The following ARHGAP29 variants were observed in gnomAD, a reference collection of about 807,000 sequenced individuals.
The protein encoded by ARHGAP29 is rho GTPase-activating protein 29.
Under a neutral mutation model 122.6 loss-of-function variants are expected in ARHGAP29, and 43 were observed. That is an observed-to-expected ratio of 0.35 (90% CI 0.27 to 0.45). The LOEUF is 0.45. Ranked by LOEUF, ARHGAP29 falls within the 20% of genes least tolerant of loss-of-function variation. The pLI is 1.00. For missense variants in ARHGAP29, 1,303 were observed against 1,477.2 expected, an observed-to-expected ratio of 0.88 and a Z score of 1.93; for synonymous variants, 506 against 497.1, an observed-to-expected ratio of 1.02 and a Z score of -0.24.
rs533440304 is a variant in ARHGAP29 at position 94,187,382 on chromosome 1, G to A, written c.1682-785C>T. ...ATTTTTCTTCACAATATGCTTAAAGGTAGCTATCTAGTTTTCACTTTGAAT... is the reference window on the plus strand; with the variant it reads ...ATTTTTCTTCACAATATGCTTAAAGATAGCTATCTAGTTTTCACTTTGAAT... On this transcript the variant is annotated intron_variant, in intron 15 of 22. Coordinates refer to ENST00000260526, the MANE Select transcript of ARHGAP29 (RefSeq NM_004815.4). Among the ~76,000 whole-genome samples the A allele has an allele frequency of 3.3e-5, 5 of 152,270 alleles. 1 individual carries two copies. The South Asian group carries it at 1.0e-3, about 32-fold the overall frequency.
upstream of ARHGAP29, among the ~76,000 whole-genome samples, chr1:94,241,182 G>A: frequency 6.6e-6 from 1 of 152,128 alleles, no homozygotes; most frequent in East Asian, 1.9e-4. Flanking sequence ...TAAGACCTAA[G>A]AACTTGTTAA....
chr1:94,290,401 G>GT, the ARHGAP29 span, among the ~76,000 whole-genome samples: 2 of 152,100 alleles, frequency 1.3e-5, no homozygotes, highest in Non-Finnish European at 2.9e-5. Context: ...TTTTTGAAGA[G>GT]TTTTTTGTGT....
At chr1:94,305,541 A>C in the ARHGAP29 span, among the ~76,000 whole-genome samples, 23 of 152,362 alleles carry the variant, frequency 1.5e-4, no homozygotes, top group African/African-American at 5.5e-4. Flanking sequence ...GCAGAGAGGT[A>C]TTATAAGCAG....
rs202125095 is a variant in ARHGAP29 at position 94,177,713 on chromosome 1, T to C, written c.2804A>G (p.His935Arg). The change falls in exon 22 of 23, where the codon CAT becomes CGT. Residue 935 changes from histidine to arginine, a missense_variant. Physicochemically the swap from His to Arg is conservative, Grantham distance 29. Coordinates refer to ENST00000260526, the MANE Select transcript of ARHGAP29 (RefSeq NM_004815.4). ...SLFFSSKEDI[H>R]TSESESKIFE... is the part of the protein sequence containing the mutation. ...AATTTTGCTTTCACTCTCTGAAGTA[T>C]GGATATCCTGTTGATGCAAGATAAT... The C allele has an allele frequency of 1.6e-5, 25 of 1,609,758 alleles. No homozygotes were observed. In the Admixed American group the frequency reaches 3.2e-4, roughly 21 times the overall value.
intron 3 of ARHGAP29, among the ~76,000 whole-genome samples, chr1:94,213,418 G>A (rs755528090): frequency 6.6e-6 from 1 of 152,064 alleles, no homozygotes; most frequent in African/African-American, 2.4e-5. Context: ...TCCTGACCTC[G>A]TGATCTGCCC....
the ARHGAP29 span, among the ~76,000 whole-genome samples, chr1:94,303,724 TC>T: frequency 6.6e-6 from 1 of 152,138 alleles, no homozygotes; most frequent in African/African-American, 2.4e-5. Flanking sequence ...GATATTATTA[TC>T]TTCATGTTTA....
chr1:94,270,351 G>A (rs947945860), intron 1 of ARHGAP29, among the ~76,000 whole-genome samples: 7 of 152,170 alleles, frequency 4.6e-5, no homozygotes, highest in African/African-American at 1.7e-4. Flanking sequence ...AGCCTTTTGG[G>A]TTCTGCACTT....
chr1:94,252,686 C>G (rs1411936920), intron 1 of ARHGAP29, among the ~76,000 whole-genome samples: 1 of 151,572 alleles, frequency 6.6e-6, no homozygotes, highest in Non-Finnish European at 1.5e-5. Context: ...TCCCCATGGC[C>G]TCGTAAGTAT....
chr1:94,214,384 T>C (rs1329258191), intron 3 of ARHGAP29, among the ~76,000 whole-genome samples: 1 of 152,168 alleles, frequency 6.6e-6, no homozygotes, highest in Non-Finnish European at 1.5e-5. Flanking sequence ...CCCACTTCCA[T>C]ACCTTTGAGG....
upstream of ARHGAP29, among the ~76,000 whole-genome samples, chr1:94,275,726 T>TA (rs550220648): frequency 5.3e-4 from 80 of 151,834 alleles, 1 homozygote; most frequent in Admixed American, 2.1e-3. Context: ...AGGGTTTTTT[T>TA]AAAAAAAAGG....
At chr1:94,277,793 G>A (rs1439479857), upstream of ARHGAP29, among the ~76,000 whole-genome samples, 3 of 152,212 alleles carry the variant, frequency 2.0e-5, no homozygotes, top group African/African-American at 7.2e-5. Flanking sequence ...AAAGGAAGAA[G>A]AATAGGCTAG....
At chr1:94,184,746 C>G in intron 18 of ARHGAP29, 126 bp downstream of exon 18, 2 of 764,078 alleles carry the variant, frequency 2.6e-6, no homozygotes, top group South Asian at 2.2e-5. Flanking sequence ...AGAGTGAGAC[C>G]GTGTCTCAGA....
Position 94,169,402 on chromosome 1 carries a change from T to C in ARHGAP29, c.*4467A>G, listed in dbSNP as rs1371723755. ...TTGGCATATTTGGGACTGGGTGTGA[T>C]GAGACAGCAGCTGGCATGTCAAGAG... On this transcript the variant is annotated 3_prime_UTR_variant, in exon 23 of 23. Transcript: ENST00000260526. 2.0e-5 allele frequency among the ~76,000 whole-genome samples: 3 copies of C among 152,034 alleles called. No homozygotes were observed. The highest frequency in any genetic ancestry group is 4.4e-5 in the Non-Finnish European group (3 of 68,020).
chr1:94,198,453 A>G (rs1650605594), intron 12 of ARHGAP29, among the ~76,000 whole-genome samples: 1 of 152,192 alleles, frequency 6.6e-6, no homozygotes, highest in Non-Finnish European at 1.5e-5. Context: ...CCTGAGTGAC[A>G]GAGTAAAACC....
At chr1:94,234,370 A>G (rs1422639048) in intron 1 of ARHGAP29, among the ~76,000 whole-genome samples, 1 of 152,246 alleles carries the variant, frequency 6.6e-6, no homozygotes, top group East Asian at 1.9e-4. Flanking sequence ...AAGTGAAAAT[A>G]TAAATTTTTA....
chr1:94,277,634 C>G (rs1655235085), upstream of ARHGAP29, among the ~76,000 whole-genome samples: 1 of 152,136 alleles, frequency 6.6e-6, no homozygotes, highest in Admixed American at 6.5e-5. Context: ...CCAAGTCTGA[C>G]TGGGAAGGAG....
intron 6 of ARHGAP29, 152 bp downstream of exon 6, chr1:94,205,483 T>C (rs373118938): frequency 1.1e-5 from 8 of 726,636 alleles, no homozygotes; most frequent in African/African-American, 5.3e-5. Flanking sequence ...TAGCAGGTTA[T>C]TTCCCTTAAG....
chr1:94,270,706 T>C (rs1654954937), intron 1 of ARHGAP29, among the ~76,000 whole-genome samples: 1 of 152,186 alleles, frequency 6.6e-6, no homozygotes, highest in Admixed American at 6.5e-5. Flanking sequence ...GCTTAGGTTA[T>C]AGACAGATGA....
chr1:94,209,216 C>A (rs752667568), intron 4 of ARHGAP29, 38 bp downstream of exon 4: 3 of 1,400,400 alleles, frequency 2.1e-6, no homozygotes, highest in Non-Finnish European at 2.0e-6. Context: ...ACTAAGACAC[C>A]TAGGACTAGT....
Sources: allele counts gnomAD v4.1 joint callset (sites outside exome capture counted in the v4.1 genomes callset), GRCh38; gene constraint gnomAD v4.1.1; transcripts MANE v1.5; gene names NCBI Gene and HGNC (gene_info 2026-07-23, HGNC 2026-07-21).